Variants in GRIP1 observed in about 807,000 individuals in gnomAD.
GRIP1 encodes the protein glutamate receptor-interacting protein 1.
Under a neutral mutation model 129.9 loss-of-function variants are expected in GRIP1, and 45 were observed. The observed-to-expected ratio is 0.35, with a 90% CI of 0.27 to 0.44. GRIP1 has a LOEUF of 0.44. Among genes scored for constraint, GRIP1 ranks in the 20% least tolerant of loss-of-function variants. The pLI is 1.00. For synonymous variants in GRIP1, 530 were observed against 520.8 expected, an observed-to-expected ratio of 1.02 and a Z score of -0.24; for missense variants, 1,196 against 1,396.8, an observed-to-expected ratio of 0.86 and a Z score of 2.29.
chr12:66,679,077 G>T (rs1265710869), upstream of GRIP1: 44 of 1,508,624 alleles, frequency 2.9e-5, no homozygotes, highest in Non-Finnish European at 3.6e-5. Context: ...CATGTCATCT[G>T]GCAAATCTGT....
chr12:66,764,044 G>C (rs1446420133), intron 1 of GRIP1, among the ~76,000 whole-genome samples: 1 of 152,192 alleles, frequency 6.6e-6, no homozygotes, highest in Non-Finnish European at 1.5e-5. Context: ...CAAGAAAGCT[G>C]TGCAGCTGTG....
At chr12:66,460,735 T>C (rs959393362) in intron 9 of GRIP1, among the ~76,000 whole-genome samples, 2 of 152,356 alleles carry the variant, frequency 1.3e-5, no homozygotes, top group Non-Finnish European at 2.9e-5. Flanking sequence ...AGACACACTG[T>C]TCAGGCATCA....
intron 7 of GRIP1, among the ~76,000 whole-genome samples, chr12:66,515,101 C>T (rs763374602): frequency 6.6e-6 from 1 of 152,146 alleles, no homozygotes; most frequent in Middle Eastern, 3.4e-3. Context: ...GAAAACTGCA[C>T]TCAAGTTTTT....
chr12:66,836,113 A>T (rs1238418575), intron 1 of GRIP1, among the ~76,000 whole-genome samples: 2 of 152,178 alleles, frequency 1.3e-5, no homozygotes, highest in Non-Finnish European at 1.5e-5. Flanking sequence ...TAAGGCTCTA[A>T]TAAAGTAGCA....
chr12:66,590,552 C>G (rs998289915), intron 2 of GRIP1, among the ~76,000 whole-genome samples: 6 of 152,194 alleles, frequency 3.9e-5, no homozygotes, highest in African/African-American at 1.4e-4. Flanking sequence ...CTGCATTGCT[C>G]TATTTATAGA....
At chr12:66,773,107 G>T (rs1178442630) in intron 1 of GRIP1, among the ~76,000 whole-genome samples, 1 of 152,202 alleles carries the variant, frequency 6.6e-6, no homozygotes, top group Non-Finnish European at 1.5e-5. Flanking sequence ...AAGGGAGGCA[G>T]AGCTGAGAAA....
intron 1 of GRIP1, among the ~76,000 whole-genome samples, chr12:66,619,347 A>G (rs1565915570): frequency 6.6e-6 from 1 of 152,132 alleles, no homozygotes; most frequent in Non-Finnish European, 1.5e-5. Flanking sequence ...AGAACCAGGT[A>G]CTAGACCATA....
intron 1 of GRIP1, among the ~76,000 whole-genome samples, chr12:66,738,530 A>G (rs950190325): frequency 6.6e-6 from 1 of 151,712 alleles, no homozygotes; most frequent in Non-Finnish European, 1.5e-5. Context: ...CACTTATTTC[A>G]TTTTTTTTAA....
At chr12:66,928,342 A>G (rs542229184) in intron 1 of GRIP1, among the ~76,000 whole-genome samples, 6 of 152,338 alleles carry the variant, frequency 3.9e-5, no homozygotes, top group Admixed American at 3.9e-4. Context: ...ATTGTTGGGA[A>G]AGGAAAACAA....
intron 8 of GRIP1, among the ~76,000 whole-genome samples, chr12:66,464,597 G>A (rs567235196): frequency 1.3e-5 from 2 of 152,170 alleles, no homozygotes; most frequent in Non-Finnish European, 2.9e-5. Context: ...GTTTAAGAAA[G>A]ATCTACTCAG....
intron 1 of GRIP1, among the ~76,000 whole-genome samples, chr12:66,926,773 A>G (rs1238591405): frequency 6.6e-6 from 1 of 152,236 alleles, no homozygotes; most frequent in African/African-American, 2.4e-5. Context: ...TAGTGAGACA[A>G]GGCACATTTC....
At chr12:66,951,008 T>C (rs998601874) in intron 1 of GRIP1, among the ~76,000 whole-genome samples, 5 of 152,238 alleles carry the variant, frequency 3.3e-5, no homozygotes, top group Non-Finnish European at 5.9e-5. Context: ...GTGACCTTTA[T>C]TTATCTAGAC....
At chr12:66,518,062 G>A (rs2060898261) in intron 5 of GRIP1, 86 bp from the exon 6 acceptor site, 4 of 826,068 alleles carry the variant, frequency 4.8e-6, no homozygotes, top group Non-Finnish European at 8.6e-6. Context: ...GCTGAGAAAT[G>A]TCCTACTTGA....
intron 1 of GRIP1, among the ~76,000 whole-genome samples, chr12:66,979,222 TAAAAAA>T (rs35306665): frequency 3.1e-3 from 128 of 41,458 alleles, no homozygotes; most frequent in African/African-American, 8.6e-3. Context: ...CTTCTCTTCT[TAAAAAA>T]AAAAAAAAAA....
At chr12:66,476,930 G>A (rs2059634833) in intron 7 of GRIP1, among the ~76,000 whole-genome samples, 1 of 152,126 alleles carries the variant, frequency 6.6e-6, no homozygotes, top group Non-Finnish European at 1.5e-5. Flanking sequence ...CATACTGAAT[G>A]GGCAAAAACT....
At chr12:66,895,045 T>G (rs573461162) in intron 1 of GRIP1, among the ~76,000 whole-genome samples, 1 of 152,144 alleles carries the variant, frequency 6.6e-6, no homozygotes, top group African/African-American at 2.4e-5. Context: ...ATGTGCCAGA[T>G]TGTCAGCCTC....
intron 1 of GRIP1, among the ~76,000 whole-genome samples, chr12:66,938,769 C>T (rs112265627): frequency 0.018 from 2,730 of 152,100 alleles, 60 homozygotes; most frequent in African/African-American, 0.05. Context: ...CCATCCTGGC[C>T]AACATGGTGA....
intron 1 of GRIP1, among the ~76,000 whole-genome samples, chr12:66,727,173 T>C (rs2036282224): frequency 1.3e-5 from 2 of 152,220 alleles, no homozygotes; most frequent in South Asian, 4.1e-4. Context: ...AAAGCATATA[T>C]TTACTCATAA....
At chr12:66,528,375 T>C (rs1565830387) in intron 5 of GRIP1, among the ~76,000 whole-genome samples, 1 of 151,974 alleles carries the variant, frequency 6.6e-6, no homozygotes, top group Non-Finnish European at 1.5e-5. Context: ...CTGACCTCAT[T>C]ATCTGCCTGC....
Sources: allele counts gnomAD v4.1 joint callset (sites outside exome capture counted in the v4.1 genomes callset), GRCh38; gene constraint gnomAD v4.1.1; transcripts MANE v1.5; gene names NCBI Gene and HGNC (gene_info 2026-07-23, HGNC 2026-07-21).